The following NAV3 variants were observed in gnomAD, a reference collection of about 807,000 sequenced individuals.
NAV3 encodes neuron navigator 3, also known as pore membrane and/or filament interacting like protein 1.
Under a neutral mutation model 244.7 loss-of-function variants are expected in NAV3, and 87 were observed. That is an observed-to-expected ratio of 0.36 (90% CI 0.30 to 0.42). NAV3 has a LOEUF of 0.42. Among genes scored for constraint, NAV3 ranks in the 20% least tolerant of loss-of-function variants. The pLI is 1.00. For missense variants in NAV3, 2,663 were observed against 2,893.3 expected (o/e 0.92, Z 1.83); for synonymous variants, 1,126 against 1,042.2 (o/e 1.08, Z -1.55).
intron 19 of NAV3, among the ~76,000 whole-genome samples, chr12:78,137,588 G>A (rs1029732212): frequency 6.6e-6 from 1 of 152,084 alleles, no homozygotes; most frequent in African/African-American, 2.4e-5. Context: ...CTTGGCTGTA[G>A]AAGAGTTTAG....
chr12:77,745,095 G>C (rs1592641143), intron 2 of NAV3, among the ~76,000 whole-genome samples: 1 of 152,058 alleles, frequency 6.6e-6, no homozygotes, highest in African/African-American at 2.4e-5. Context: ...GTCGCCTCAT[G>C]TTATCTTAAA....
chr12:77,758,261 G>A (rs1040001325), intron 2 of NAV3, among the ~76,000 whole-genome samples: 14 of 151,786 alleles, frequency 9.2e-5, no homozygotes, highest in Admixed American at 2.6e-4. Flanking sequence ...CACCTGACAC[G>A]CATATTTGTT....
intron 12 of NAV3, among the ~76,000 whole-genome samples, chr12:78,063,128 A>T (rs899436116): frequency 6.6e-6 from 1 of 152,198 alleles, no homozygotes; most frequent in African/African-American, 2.4e-5. Flanking sequence ...AAAAGGCCCC[A>T]AAGGAAAAAT....
At chr12:77,676,946 C>T (rs1874235040) in intron 2 of NAV3, among the ~76,000 whole-genome samples, 1 of 151,976 alleles carries the variant, frequency 6.6e-6, no homozygotes, top group Non-Finnish European at 1.5e-5. Flanking sequence ...TGCTTAGATC[C>T]CCAGAATTGA....
chr12:78,121,829 TG>T (rs1955681504), intron 15 of NAV3, 110 bp from the exon 16 acceptor site: 1 of 1,352,124 alleles, frequency 7.4e-7, no homozygotes, highest in Non-Finnish European at 1.0e-6. Flanking sequence ...GGAAGTGCTT[TG>T]TAGTTCAGTA....
At chr12:78,077,346 G>C (rs1182911153) in intron 12 of NAV3, among the ~76,000 whole-genome samples, 1 of 152,150 alleles carries the variant, frequency 6.6e-6, no homozygotes, top group Non-Finnish European at 1.5e-5. Flanking sequence ...TAAAGGACCA[G>C]ACAATAAATA....
chr12:78,175,492 T>C lies in NAV3; in HGVS notation c.5103+65T>C, dbSNP rs1261909302. On this transcript the variant is annotated intron_variant, in intron 25 of 39. Coordinates refer to ENST00000397909, the MANE Select transcript of NAV3 (RefSeq NM_001024383.2). The stretch of plus-strand genomic sequence containing the variant: ...TGCATAATGTGTTAGGCCTTTTTCT[T>C]TGGGGCTTTAGTGATCTGCAGTAGT... 11 of 1,570,796 alleles carry C rather than the reference T, an allele frequency of 7.0e-6. No individual in the cohort carries two copies. The South Asian group carries it at 8.9e-5, about 13-fold the overall frequency.
At position 78,006,897 on chromosome 12, in the gene NAV3, C is replaced by T; in HGVS notation, c.1359C>T (p.Ser453=). The T allele has an allele frequency of 6.2e-7, 1 of 1,613,580 alleles. No individual in the cohort carries two copies. The highest frequency in any genetic ancestry group is 1.1e-5 in the South Asian group (1 of 91,052). The change falls in exon 8 of 40, where the codon AGC becomes AGT. Residue 453 remains serine, a synonymous_variant. Coordinates refer to ENST00000397909, the MANE Select transcript of NAV3 (RefSeq NM_001024383.2). The part of the protein sequence containing the change: ...SPKLAPPKAG[S]KNLSNKKSLL... Reference sequence around the variant, plus strand: ...AGTTGGCCCCTCCAAAAGCTGGAAGCAAAAATCTCAGCAATAAAAAGTCTT... The same window carrying T: ...AGTTGGCCCCTCCAAAAGCTGGAAGTAAAAATCTCAGCAATAAAAAGTCTT...
At chr12:77,929,334 C>A in intron 1 of NAV3, among the ~76,000 whole-genome samples, 1 of 152,144 alleles carries the variant, frequency 6.6e-6, no homozygotes, top group East Asian at 1.9e-4. Context: ...TTCCATTAGC[C>A]TGTCAAAGCC....
At chr12:78,074,053 G>A (rs1438131796) in intron 12 of NAV3, among the ~76,000 whole-genome samples, 1 of 152,090 alleles carries the variant, frequency 6.6e-6, no homozygotes, top group Non-Finnish European at 1.5e-5. Flanking sequence ...GAATGCAAAA[G>A]GAAATAAAAG....
Position 77,596,792 on chromosome 12 carries a change from C to T in NAV3, c.72+24526C>T, listed in dbSNP as rs116597534. Among the ~76,000 whole-genome samples the T allele has an allele frequency of 5.3e-3, 803 of 151,830 alleles. 9 individuals carry two copies. Among genetic ancestry groups the T allele is most frequent in the African/African-American group, 0.017 (721 of 41,422 alleles). ...AGGAGTGGGCTTGGGTGACTTTTTG[C>T]GGGAAAAAAGTCATGGTTGTGTTTA... On this transcript the variant is annotated intron_variant, in intron 2 of 8. Coordinates refer to the NAV3 transcript ENST00000550042.
intron 3 of NAV3, among the ~76,000 whole-genome samples, chr12:77,958,058 A>G (rs1891538201): frequency 6.6e-6 from 1 of 152,224 alleles, no homozygotes; most frequent in Non-Finnish European, 1.5e-5. Flanking sequence ...TTAAAAATAC[A>G]CTGGTAAGTG....
intron 2 of NAV3, among the ~76,000 whole-genome samples, chr12:77,663,787 C>G (rs1477983008): frequency 2.0e-5 from 3 of 152,184 alleles, no homozygotes; most frequent in African/African-American, 7.2e-5. Context: ...TTTCAAAGTG[C>G]TGGGATTACA....
At chr12:77,653,486 C>A (rs576227578) in intron 2 of NAV3, among the ~76,000 whole-genome samples, 1 of 152,142 alleles carries the variant, frequency 6.6e-6, no homozygotes, top group Non-Finnish European at 1.5e-5. Context: ...AAGGGAAGTT[C>A]ATAGTTCTAA....
intron 12 of NAV3, among the ~76,000 whole-genome samples, chr12:78,082,868 C>T (rs1953429655): frequency 6.6e-6 from 1 of 152,084 alleles, no homozygotes. Context: ...TGAAACCTGC[C>T]TCTCCCCTGA....
intron 2 of NAV3, among the ~76,000 whole-genome samples, chr12:77,688,947 T>G (rs1390432433): frequency 6.6e-6 from 1 of 151,840 alleles, no homozygotes; most frequent in Admixed American, 6.6e-5. Context: ...ATGGCCAAAT[T>G]TACATAGTTT....
chr12:77,572,918 A>G (rs980850118), intron 2 of NAV3, among the ~76,000 whole-genome samples: 1 of 152,192 alleles, frequency 6.6e-6, no homozygotes, highest in Admixed American at 6.5e-5. Context: ...CTAGCTTTTT[A>G]GAAACTCTTA....
At chr12:77,784,872 C>T (rs7968009) in intron 2 of NAV3, among the ~76,000 whole-genome samples, 81,707 of 151,912 alleles carry the variant, frequency 0.54, 22,205 homozygotes, top group South Asian at 0.68. Context: ...TAGTAGAACT[C>T]AGTCCACACC....
At chr12:77,797,958 C>T (rs1448723481) in intron 2 of NAV3, among the ~76,000 whole-genome samples, 1 of 151,870 alleles carries the variant, frequency 6.6e-6, no homozygotes, top group African/African-American at 2.4e-5. Context: ...CCCTTGAGGC[C>T]AGGAGTTTGA....
Sources: gnomAD v4.1 joint callset for allele counts (sites outside exome capture counted in the v4.1 genomes callset) on GRCh38, gnomAD v4.1.1 for gene constraint, MANE v1.5 for transcripts, NCBI Gene and HGNC (gene_info 2026-07-23, HGNC 2026-07-21) for gene names.